The following STK31 variants were observed in gnomAD, a reference collection of about 807,000 sequenced individuals.
STK31 encodes serine/threonine-protein kinase 31.
Under a neutral mutation model 129.7 loss-of-function variants are expected in STK31, and 89 were observed. The observed-to-expected ratio is 0.69, with a 90% CI of 0.58 to 0.82. STK31 has a LOEUF of 0.82. Among genes scored for constraint, STK31 ranks in the 40% least tolerant of loss-of-function variants. The pLI is 0.00. For synonymous variants in STK31, 448 were observed against 395.3 expected (o/e 1.13, Z -1.58); for missense variants, 1,187 against 1,176.4 (o/e 1.01, Z -0.13).
chr7:23,734,202 A>G (rs1273037649), intron 6 of STK31, among the ~76,000 whole-genome samples: 3 of 152,036 alleles, frequency 2.0e-5, no homozygotes, highest in African/African-American at 7.2e-5. Context: ...TGTTTTTTGT[A>G]TTTATAGAGT....
intron 6 of STK31, 100 bp from the exon 7 acceptor site, chr7:23,735,438 T>G: frequency 9.4e-7 from 1 of 1,066,182 alleles, no homozygotes; most frequent in East Asian, 2.4e-5. Context: ...TATAGAGATT[T>G]TAGAATGAAG....
At chr7:23,736,691 G>A (rs539926791) in intron 7 of STK31, among the ~76,000 whole-genome samples, 1 of 151,666 alleles carries the variant, frequency 6.6e-6, no homozygotes, top group Non-Finnish European at 1.5e-5. Flanking sequence ...ATTTTTTTTT[G>A]AGAATTAGAG....
At chr7:23,750,396 T>C (rs914453071) in intron 8 of STK31, among the ~76,000 whole-genome samples, 1 of 152,208 alleles carries the variant, frequency 6.6e-6, no homozygotes, top group South Asian at 2.1e-4. Flanking sequence ...TCTCACCTTT[T>C]CTTACAGATC....
intron 8 of STK31, among the ~76,000 whole-genome samples, chr7:23,743,909 G>T (rs981654721): frequency 4.0e-5 from 6 of 151,084 alleles, no homozygotes; most frequent in African/African-American, 7.3e-5. Flanking sequence ...GTTTGATCTA[G>T]TATTTTTTGT....
chr7:23,759,180 TAATG>T (rs953554868), intron 10 of STK31, among the ~76,000 whole-genome samples: 1 of 152,156 alleles, frequency 6.6e-6, no homozygotes, highest in African/African-American at 2.4e-5. Flanking sequence ...CACACAATAA[TAATG>T]GGAGACTTTA....
At chr7:23,810,617 T>G (rs74216648) in intron 22 of STK31, among the ~76,000 whole-genome samples, 97,872 of 131,092 alleles carry the variant, frequency 0.75, 37,031 homozygotes, top group African/African-American at 0.84. Context: ...TATATATATA[T>G]AATATATATA....
chr7:23,795,797 A>T (rs1791915177), intron 22 of STK31, among the ~76,000 whole-genome samples: 1 of 152,168 alleles, frequency 6.6e-6, no homozygotes, highest in African/African-American at 2.4e-5. Flanking sequence ...GCCCTGCTGG[A>T]TTTTGAATTT....
intron 8 of STK31, among the ~76,000 whole-genome samples, chr7:23,750,658 A>G (rs754595684): frequency 6.6e-6 from 1 of 152,236 alleles, no homozygotes; most frequent in Non-Finnish European, 1.5e-5. Context: ...TTTCCTCGTG[A>G]ATCCTAGTTT....
intron 8 of STK31, among the ~76,000 whole-genome samples, chr7:23,741,258 A>T (rs1233064304): frequency 6.6e-6 from 1 of 152,172 alleles, no homozygotes; most frequent in African/African-American, 2.4e-5. Flanking sequence ...TCCAAGCTAT[A>T]GTTCTTTTTA....
intron 22 of STK31, among the ~76,000 whole-genome samples, chr7:23,795,151 G>A (rs931648021): frequency 2.6e-5 from 4 of 152,204 alleles, no homozygotes; most frequent in African/African-American, 9.6e-5. Context: ...AGGCACAGAG[G>A]CCTAGGAGGA....
intron 22 of STK31, chr7:23,811,442 A>G: frequency 3.0e-6 from 1 of 329,824 alleles, no homozygotes; most frequent in South Asian, 3.3e-5. Flanking sequence ...ATGGTTCATG[A>G]CAATATCAAT....
chr7:23,826,564 T>A (rs572934619), intron 23 of STK31, among the ~76,000 whole-genome samples: 1 of 152,370 alleles, frequency 6.6e-6, no homozygotes, highest in Admixed American at 6.5e-5. Context: ...TTTGCCAGTC[T>A]GTGCCTTTTA....
intron 4 of STK31, chr7:23,725,973 C>T (rs1260759499): frequency 6.6e-6 from 1 of 152,034 alleles, no homozygotes; most frequent in African/African-American, 2.4e-5. Context: ...GAAGAGGTGC[C>T]AGGCTCTTTT....
At chr7:23,820,797 A>T (rs1793746139) in intron 23 of STK31, among the ~76,000 whole-genome samples, 2 of 152,212 alleles carry the variant, frequency 1.3e-5, no homozygotes, top group African/African-American at 4.8e-5. Flanking sequence ...TGCCTGGCTT[A>T]TTTCACTTTA....
chr7:23,749,531 TG>T (rs138533739), intron 8 of STK31, among the ~76,000 whole-genome samples: 1,997 of 145,198 alleles, frequency 0.014, 54 homozygotes, highest in African/African-American at 0.044. Flanking sequence ...TTTTTTTTTT[TG>T]GGGGTAGAGA....
At chr7:23,805,221 G>A (rs551706388) in intron 22 of STK31, among the ~76,000 whole-genome samples, 83 of 151,680 alleles carry the variant, frequency 5.5e-4, no homozygotes, top group African/African-American at 1.9e-3. Context: ...GATTACAGGC[G>A]CACGCTGCCA....
Position 23,727,223 on chromosome 7 carries a change from T to A in STK31, c.250-18T>A. ...TGCTTTAAATGCCAAGTAATTTTGC[T>A]TTCTTTTCTCTTTGTAGATTTATGG... On this transcript the variant is annotated intron_variant, in intron 4 of 23. Transcript: ENST00000355870. The A allele has an allele frequency of 6.2e-7, 1 of 1,612,086 alleles. No individual in the cohort carries two copies. The highest frequency in any genetic ancestry group is 8.5e-7 in the Non-Finnish European group (1 of 1,178,496).
chr7:23,781,962 A>G (rs1790956819), intron 16 of STK31, among the ~76,000 whole-genome samples: 1 of 152,170 alleles, frequency 6.6e-6, no homozygotes, highest in East Asian at 1.9e-4. Flanking sequence ...GAAAACATTA[A>G]TGGAGCACAT....
At position 23,752,707 on chromosome 7, in the gene STK31, T is replaced by C. The variant is rs1162539357; in HGVS notation, c.1018-10T>C. On this transcript the variant is annotated splice_polypyrimidine_tract_variant and intron_variant, in intron 8 of 23. Transcript: ENST00000355870. ...GGGTCTCACGAGAATGTGTTTATTC[T>C]TTGTTTCAGCAAGAGAAGGCAGCTG... 2 of 1,592,274 alleles carry C rather than the reference T, an allele frequency of 1.3e-6. No homozygotes were observed. Among genetic ancestry groups the C allele is most frequent in the Admixed American group, 3.3e-5 (2 of 59,880 alleles).
Sources: gnomAD v4.1 joint callset for allele counts (sites outside exome capture counted in the v4.1 genomes callset) on GRCh38, gnomAD v4.1.1 for gene constraint, MANE v1.5 for transcripts, NCBI Gene and HGNC (gene_info 2026-07-23, HGNC 2026-07-21) for gene names.